PRXL2C: variants seen among roughly 807,000 people sequenced by gnomAD.
PRXL2C encodes peroxiredoxin-like 2C.
PRXL2C carries 38 observed loss-of-function variants against 24.9 expected under a neutral mutation model. The observed-to-expected ratio is 1.53, with a 90% CI of 1.18 to 2.00. The LOEUF (loss-of-function observed/expected upper bound fraction) is 2.00, where lower values mean the gene tolerates loss of function less well. PRXL2C is among the 30% of genes most tolerant of loss of function. The pLI is 0.00. For missense variants in PRXL2C, 294 were observed against 290.9 expected (o/e 1.01, Z -0.08); for synonymous variants, 98 against 117.2 (o/e 0.84, Z 1.06).
chr9:96,643,172 G>A (rs1250448066), intron 5 of PRXL2C, among the ~76,000 whole-genome samples: 5 of 152,106 alleles, frequency 3.3e-5, no homozygotes, highest in Non-Finnish European at 7.4e-5. Flanking sequence ...GAACCAATCC[G>A]CCATGGATGC....
In PRXL2C at chr9:96,641,816, C is replaced by G; in HGVS notation, c.624G>C (p.Gln208His). Reference protein sequence around the residue: ...LDHKPINSVLQLVGVQHVNFT... With the variant: ...LDHKPINSVLHLVGVQHVNFT... The stretch of plus-strand genomic sequence containing the variant: ...AGTTCACATGCTGAACTCCTACAAG[C>G]TGTAAAACAGAGTTGATAGGTTTGT... The change falls in exon 6 of 6, where the codon CAG becomes CAC. Residue 208 changes from glutamine to histidine, a missense_variant. Gln to His is a conservative substitution (Grantham distance 24). Transcript: ENST00000375234. 2 of 1,578,380 alleles carry G rather than the reference C, an allele frequency of 1.3e-6. No homozygotes were observed. Among genetic ancestry groups the G allele is most frequent in the South Asian group, 1.1e-5 (1 of 87,038 alleles).
intron 4 of PRXL2C, among the ~76,000 whole-genome samples, chr9:96,647,741 C>T (rs899608543): frequency 2.0e-5 from 3 of 151,524 alleles, no homozygotes; most frequent in Non-Finnish European, 2.9e-5. Flanking sequence ...TTGCCCAGGC[C>T]GGTCTCAAAT....
chr9:96,644,589 G>A (rs1399109151), intron 5 of PRXL2C, among the ~76,000 whole-genome samples: 2 of 151,994 alleles, frequency 1.3e-5, no homozygotes, highest in East Asian at 3.9e-4. Flanking sequence ...AGGTTCAAGT[G>A]ATTCTCCTGC....
intron 2 of PRXL2C, among the ~76,000 whole-genome samples, chr9:96,654,066 T>G (rs1848313083): frequency 6.6e-6 from 1 of 152,186 alleles, no homozygotes; most frequent in South Asian, 2.1e-4. Context: ...GGTCTCGATC[T>G]CCTGACCTCG....
rs1272351573 is a variant in PRXL2C, at chr9:96,640,247, G to A, written c.*1512C>T. 1.3e-5 allele frequency: 2 copies of A among 151,758 alleles called. No individual in the cohort carries two copies. The highest frequency in any genetic ancestry group is 4.8e-5 in the African/African-American group (2 of 41,288). 9.4% of individuals were successfully genotyped at this position (151,758 alleles called of 1,614,324 possible). On this transcript the variant is annotated 3_prime_UTR_variant, in exon 6 of 6. Transcript: ENST00000375234. ...GTTTTAAAAAATTTTAACAATTCTT[G>A]GCCGGGAATGGTGGCTAACGCCTGC...
chr9:96,642,246 A>C (rs1243103634), intron 5 of PRXL2C, among the ~76,000 whole-genome samples: 1 of 152,150 alleles, frequency 6.6e-6, no homozygotes, highest in Non-Finnish European at 1.5e-5. Flanking sequence ...CTGTTTCTTA[A>C]ATCTAATAAT....
intron 5 of PRXL2C, among the ~76,000 whole-genome samples, chr9:96,643,580 G>A (rs1248388620): frequency 6.6e-6 from 1 of 152,050 alleles, no homozygotes. Flanking sequence ...CAGAAGATGT[G>A]GACAAATGAT....
chr9:96,652,978 A>G (rs765917626), intron 2 of PRXL2C, among the ~76,000 whole-genome samples: 3 of 152,176 alleles, frequency 2.0e-5, no homozygotes, highest in Non-Finnish European at 4.4e-5. Context: ...CTGTAATCCC[A>G]GCACTTTGGG....
chr9:96,655,042 C>T (rs2119197010), intron 1 of PRXL2C, 48 bp downstream of exon 1: 4 of 1,451,470 alleles, frequency 2.8e-6, no homozygotes, highest in African/African-American at 1.5e-5. Flanking sequence ...CGGCAGCCTG[C>T]CCGGGACCCT....
intron 2 of PRXL2C, among the ~76,000 whole-genome samples, chr9:96,652,315 G>A (rs1848278302): frequency 6.6e-6 from 1 of 152,158 alleles, no homozygotes; most frequent in Non-Finnish European, 1.5e-5. Context: ...GAGGTCAGGA[G>A]ATCAAGACCA....
intron 4 of PRXL2C, among the ~76,000 whole-genome samples, chr9:96,648,005 A>G (rs772456319): frequency 1.3e-5 from 2 of 152,100 alleles, no homozygotes; most frequent in African/African-American, 2.4e-5. Context: ...CCAGGCTCCA[A>G]TCGATTCTCC....
Position 96,645,931 on chromosome 9 carries a change from T to C in PRXL2C, c.515A>G (p.Asp172Gly). 1.2e-6 allele frequency: 2 copies of C among 1,613,382 alleles called. No homozygotes were observed. Among genetic ancestry groups the C allele is most frequent in the Non-Finnish European group, 1.7e-6 (2 of 1,179,860 alleles). The change falls in exon 5 of 6, where the codon GAC becomes GGC. Residue 172 changes from aspartate (D) to glycine (G), a missense_variant. By Grantham distance (94) the Asp-to-Gly change is moderately conservative. Transcript: ENST00000375234. ...GAGGGTTCCACCTTGCTGAGCTGGG[T>C]CTCCTTGAAAATCAAAGAGAGGGCC... ...VTGPLFDFQGDPAQQGGTLIL... is the reference protein window; with the variant it reads ...VTGPLFDFQGGPAQQGGTLIL...
At chr9:96,647,709 G>A (rs528348049) in intron 4 of PRXL2C, among the ~76,000 whole-genome samples, 1 of 151,764 alleles carries the variant, frequency 6.6e-6, no homozygotes, top group South Asian at 2.1e-4. Context: ...TTTTTTTGTT[G>A]TTGAGATGGG....
Position 96,641,813 on chromosome 9 carries a change from A to G in PRXL2C, c.627T>C (p.Leu209=). 6.3e-6 allele frequency: 10 copies of G among 1,580,144 alleles called. No homozygotes were observed. The highest frequency in any genetic ancestry group is 8.7e-6 in the Non-Finnish European group (10 of 1,155,228). The change falls in exon 6 of 6, where the codon CTT becomes CTC. Residue 209 remains leucine (L), a synonymous_variant. Transcript: ENST00000375234. ...DHKPINSVLQ[L]VGVQHVNFTN... Reference sequence around the variant, plus strand: ...TAAAGTTCACATGCTGAACTCCTACAAGCTGTAAAACAGAGTTGATAGGTT... The same window carrying G: ...TAAAGTTCACATGCTGAACTCCTACGAGCTGTAAAACAGAGTTGATAGGTT...
At chr9:96,646,088 G>GT (rs1848199219) in intron 4 of PRXL2C, 64 bp from the exon 5 acceptor site, 2 of 1,464,756 alleles carry the variant, frequency 1.4e-6, no homozygotes, top group African/African-American at 2.9e-5. Context: ...AGAAGATAAT[G>GT]TATTTCTAGA....
intron 4 of PRXL2C, among the ~76,000 whole-genome samples, chr9:96,649,303 GC>G (rs901284874): frequency 2.6e-4 from 39 of 151,018 alleles, no homozygotes; most frequent in African/African-American, 9.6e-4. Flanking sequence ...GGTGGCTCAT[GC>G]CTGTAACCCC....
At chr9:96,646,830 G>A (rs984178181) in intron 4 of PRXL2C, among the ~76,000 whole-genome samples, 3 of 152,040 alleles carry the variant, frequency 2.0e-5, no homozygotes, top group Admixed American at 6.6e-5. Flanking sequence ...CACTCTCGTT[G>A]CCCAGGATGG....
chr9:96,641,767 G>T lies in PRXL2C; in HGVS notation c.673C>A (p.His225Asn). Residue 225 changes from histidine (H) to asparagine (N), a missense_variant, in exon 6 of 6, where the codon CAT (histidine) becomes AAT (asparagine). By Grantham distance (68) the His-to-Asn change is moderately conservative. Transcript: ENST00000375234. The stretch of plus-strand genomic sequence containing the variant: ...ACTGAGTGCATTTTAAGTCACACAT[G>T]GATAACTGAAGGTCTGTTTGTAAAG... ...VNFTNRPSVI[H>N]V 6.4e-7 allele frequency: 1 copy of T among 1,568,136 alleles called. No homozygotes were observed. The highest frequency in any genetic ancestry group is 1.2e-5 in the South Asian group (1 of 85,588).
In PRXL2C at chr9:96,640,802, A is replaced by G. The variant is rs1309496141; in HGVS notation, c.*957T>C. On this transcript the variant is annotated 3_prime_UTR_variant, in exon 6 of 6. Transcript: ENST00000375234. ...AGCCGAGATCATGCCACTGCACTCCAGCCTGGGCAACAGAGTGAGACTCCA... is the reference window on the plus strand; with the variant it reads ...AGCCGAGATCATGCCACTGCACTCCGGCCTGGGCAACAGAGTGAGACTCCA... The G allele has an allele frequency of 2.0e-5, 3 of 149,274 alleles. No individual in the cohort carries two copies. The highest frequency in any genetic ancestry group is 4.4e-5 in the Non-Finnish European group (3 of 67,700). 9.2% of individuals were successfully genotyped at this position (149,274 alleles called of 1,614,324 possible). A position where few individuals can be genotyped will look rare whatever the true frequency, so the allele number is the denominator to read the frequency against.
Sources: allele counts gnomAD v4.1 joint callset (sites outside exome capture counted in the v4.1 genomes callset), GRCh38; gene constraint gnomAD v4.1.1; transcripts MANE v1.5; gene names NCBI Gene and HGNC (gene_info 2026-07-23, HGNC 2026-07-21).